The following ZKSCAN3 variants were observed in gnomAD, a reference collection of about 807,000 sequenced individuals.
ZKSCAN3 encodes the protein zinc finger protein with KRAB and SCAN domains 3.
Under a neutral mutation model 30.7 loss-of-function variants are expected in ZKSCAN3, and 21 were observed. The observed-to-expected ratio is 0.68, with a 90% CI of 0.49 to 0.99. The LOEUF (loss-of-function observed/expected upper bound fraction) is 0.99. Ranked by LOEUF, ZKSCAN3 falls within the 50% of genes least tolerant of loss-of-function variation. The probability of loss-of-function intolerance (pLI) is 0.00; values close to 1 mark genes in which losing one functional copy is unlikely to be tolerated. For synonymous variants in ZKSCAN3, 201 were observed against 246.7 expected (o/e 0.81, Z 1.73); for missense variants, 507 against 647.1 (o/e 0.78, Z 2.35).
intron 1 of ZKSCAN3, among the ~76,000 whole-genome samples, chr6:28,358,899 G>GAAAAAA (rs201554097): frequency 9.4e-6 from 1 of 106,076 alleles, no homozygotes; most frequent in African/African-American, 3.3e-5. Context: ...AAACAAATAA[G>GAAAAAA]AAAAAAAAAA....
chr6:28,358,899 G>GAAAAAAAAAAAAAAAAAAA (rs201554097), intron 1 of ZKSCAN3, among the ~76,000 whole-genome samples: 2 of 106,076 alleles, frequency 1.9e-5, no homozygotes, highest in Non-Finnish European at 3.9e-5. Flanking sequence ...AAACAAATAA[G>GAAAAAAAAAAAAAAAAAAA]AAAAAAAAAA....
chr6:28,364,784 G>A (rs1765893358), intron 5 of ZKSCAN3, among the ~76,000 whole-genome samples: 1 of 152,140 alleles, frequency 6.6e-6, no homozygotes, highest in Non-Finnish European at 1.5e-5. Flanking sequence ...CTGGAGTGCA[G>A]TGGTGCAGTC....
chr6:28,358,391 C>T (rs557162729), intron 1 of ZKSCAN3, among the ~76,000 whole-genome samples: 12 of 152,250 alleles, frequency 7.9e-5, no homozygotes, highest in African/African-American at 2.9e-4. Flanking sequence ...ACTTATAAAC[C>T]AAATACAATG....
intron 1 of ZKSCAN3, among the ~76,000 whole-genome samples, chr6:28,358,775 T>C (rs1765586607): frequency 6.6e-6 from 1 of 151,960 alleles, no homozygotes; most frequent in African/African-American, 2.4e-5. Context: ...TCCCAGCTTC[T>C]TGGGAGGCTG....
At position 28,351,257 on chromosome 6, in the gene ZKSCAN3, A is replaced by G. The variant is rs115707145; in HGVS notation, c.-63+1190A>G. The stretch of plus-strand genomic sequence containing the variant: ...AAGTAGGGGCCAGGTAGTGAAACCT[A>G]AATGGAGTTTGTGGAATAAATGATA... On this transcript the variant is annotated intron_variant, in intron 1 of 5. Transcript: ENST00000252211. This position sits in a 1 kb window ranked among gnomAD's most constrained non-coding sequence, Gnocchi z 4.6. Among the ~76,000 whole-genome samples, 361 of 152,282 alleles carry G rather than the reference A, an allele frequency of 2.4e-3. 2 individuals carry two copies. Among genetic ancestry groups the G allele is most frequent in the African/African-American group, 8.1e-3 (338 of 41,544 alleles).
chr6:28,359,203 C>T (rs1166290068), intron 1 of ZKSCAN3, among the ~76,000 whole-genome samples: 1 of 152,104 alleles, frequency 6.6e-6, no homozygotes, highest in Non-Finnish European at 1.5e-5. Flanking sequence ...CAACCACAGA[C>T]CTGGTTGGTA....
At chr6:28,355,978 C>T (rs1765393873) in intron 1 of ZKSCAN3, 1 of 152,264 alleles carries the variant, frequency 6.6e-6, no homozygotes, top group South Asian at 2.1e-4. Context: ...GAGACATCCA[C>T]AGTGCATAAG....
chr6:28,363,375 C>T lies in ZKSCAN3; in HGVS notation c.623C>T (p.Pro208Leu). ...AAAGTGGTAGCTTCTAGGCTTACTC[C>T]AGAGTCCCAGGTGAGCTGGAGCCCT... ...EDKVVASRLT[P>L]ESQGLLKVED... Residue 208 changes from proline (P) to leucine (L), a missense_variant, in exon 4 of 6, where the codon CCA becomes CTA. Physicochemically the swap from Pro to Leu is moderately conservative, Grantham distance 98. Transcript: ENST00000252211. The T allele has an allele frequency of 3.7e-6, 6 of 1,613,944 alleles. No individual in the cohort carries two copies. Among genetic ancestry groups the T allele is most frequent in the Non-Finnish European group, 4.2e-6 (5 of 1,179,916 alleles).
rs1329988085 is a variant in ZKSCAN3 at position 28,361,435 on chromosome 6, C to T, written c.514C>T (p.His172Tyr). Residue 172 changes from histidine (H) to tyrosine (Y), a missense_variant, in exon 3 of 6, where the codon CAT becomes TAT. His to Tyr is a moderately conservative substitution (Grantham distance 83). Transcript: ENST00000252211. ...TCAGCTAATGAAGGCTCTGCTCAAG[C>T]ATGAATCTGTGGGATCCCAGCCTTT... ...QFQLMKALLKHESVGSQPLQD... is the reference protein window; with the variant it reads ...QFQLMKALLKYESVGSQPLQD... The T allele has an allele frequency of 1.9e-6, 3 of 1,613,754 alleles. No homozygotes were observed. The highest frequency in any genetic ancestry group is 1.6e-4 in the Middle Eastern group (1 of 6,084).
rs780933001 is a variant in ZKSCAN3, at chr6:28,360,043, C to T, written c.402+55C>T. 17 of 1,613,746 alleles carry T rather than the reference C, an allele frequency of 1.1e-5. No homozygotes were observed. The South Asian group carries it at 1.8e-4, about 17-fold the overall frequency. ...CTGTGGCCTGTTTCCTCCTGAAATC[C>T]CAGATCAGAGTGAGGGGCATTCCTT... On this transcript the variant is annotated intron_variant, in intron 2 of 5. Transcript: ENST00000252211.
Position 28,366,144 on chromosome 6 carries a change from T to C in ZKSCAN3, c.1476T>C (p.Asn492=). 6.2e-7 allele frequency: 1 copy of C among 1,604,672 alleles called. No individual in the cohort carries two copies. The highest frequency in any genetic ancestry group is 8.5e-7 in the Non-Finnish European group (1 of 1,176,064). Residue 492 remains asparagine (N), a synonymous_variant, in exon 6 of 6, where the codon AAT becomes AAC. Transcript: ENST00000252211. ...AGTGTGAAAGAAGTTTCACTCAGAA[T>C]ACAGGCCTCATTGAACATCAAAAAA... ...CNECERSFTQ[N]TGLIEHQKIH... is the part of the protein sequence containing the mutation.
At chr6:28,361,884 A>G (rs975421994) in intron 3 of ZKSCAN3, among the ~76,000 whole-genome samples, 1 of 151,768 alleles carries the variant, frequency 6.6e-6, no homozygotes, top group Non-Finnish European at 1.5e-5. Context: ...TGCAGCCTCC[A>G]CTTCCTGGGC....
intron 1 of ZKSCAN3, among the ~76,000 whole-genome samples, chr6:28,352,998 C>G (rs1422129142): frequency 7.1e-6 from 1 of 140,044 alleles, no homozygotes; most frequent in Non-Finnish European, 1.5e-5. Context: ...GAGTCTTGCT[C>G]TGTTGCCAGG....
At chr6:28,352,899 C>T (rs1472061335) in intron 1 of ZKSCAN3, among the ~76,000 whole-genome samples, 5 of 151,998 alleles carry the variant, frequency 3.3e-5, no homozygotes, top group South Asian at 2.1e-4. Context: ...CAGGAAGACA[C>T]GGACTTGGAA....
In ZKSCAN3 at chr6:28,359,536, A is replaced by G. The variant is rs1230480528; in HGVS notation, c.-51A>G. On this transcript the variant is annotated 5_prime_UTR_variant, in exon 2 of 6. Transcript: ENST00000252211. Reference sequence around the variant, plus strand: ...TTCCCACCTTTCAGGGATCTTCTGCAGAAATAGCGCTGGAAGCTAGAGTGA... The same window carrying G: ...TTCCCACCTTTCAGGGATCTTCTGCGGAAATAGCGCTGGAAGCTAGAGTGA... The G allele has an allele frequency of 6.4e-7, 1 of 1,573,206 alleles. No individual in the cohort carries two copies. Among genetic ancestry groups the G allele is most frequent in the South Asian group, 1.2e-5 (1 of 86,888 alleles).
intron 1 of ZKSCAN3, chr6:28,350,355 G>A (rs1764914458): frequency 6.6e-6 from 1 of 152,208 alleles, no homozygotes; most frequent in Non-Finnish European, 1.5e-5. Context: ...TCGAGAATGG[G>A]AGCCGTTACA....
intron 1 of ZKSCAN3, among the ~76,000 whole-genome samples, chr6:28,358,042 A>G (rs1475094788): frequency 6.6e-6 from 1 of 152,162 alleles, no homozygotes; most frequent in Non-Finnish European, 1.5e-5. Flanking sequence ...CAGTACCTTG[A>G]CCACAGATAA....
Position 28,361,477 on chromosome 6 carries a change from G to T in ZKSCAN3, c.550+6G>T. 6.2e-7 allele frequency: 1 copy of T among 1,600,824 alleles called. No individual in the cohort carries two copies. The highest frequency in any genetic ancestry group is 8.5e-7 in the Non-Finnish European group (1 of 1,175,530). The stretch of plus-strand genomic sequence containing the variant: ...CCAGCCTTTACAAGATAGAGGTAAG[G>T]ATTATTTTCTAGACAGTATGAATTC... On this transcript the variant is annotated splice_donor_region_variant and intron_variant, in intron 3 of 5. Transcript: ENST00000252211.
At chr6:28,350,828 T>C (rs906708459) in intron 1 of ZKSCAN3, among the ~76,000 whole-genome samples, 1 of 152,080 alleles carries the variant, frequency 6.6e-6, no homozygotes, top group Non-Finnish European at 1.5e-5. Flanking sequence ...CCAAAACTGG[T>C]TTGTGTTGGA....
Sources: allele counts gnomAD v4.1 joint callset (sites outside exome capture counted in the v4.1 genomes callset), GRCh38; gene constraint gnomAD v4.1.1; non-coding constraint Gnocchi (gnomAD v3.1); transcripts MANE v1.5; gene names NCBI Gene and HGNC (gene_info 2026-07-23, HGNC 2026-07-21).